RANBP2: variants seen among roughly 807,000 people sequenced by gnomAD.
RANBP2 encodes RAN binding protein 2.
A neutral mutation model predicts 303.6 loss-of-function variants in RANBP2; 57 were observed. That is an observed-to-expected ratio of 0.19 (90% CI 0.15 to 0.23). The LOEUF is 0.23. RANBP2 is among the 10% of genes least tolerant of loss of function. RANBP2 has a pLI of 1.00. For synonymous variants in RANBP2, 1,167 were observed against 1,301.5 expected (o/e 0.90, Z 2.23); for missense variants, 3,138 against 3,780.8 (o/e 0.83, Z 4.46).
chr2:109,437,530 C>A, the RANBP2 span, among the ~76,000 whole-genome samples: 1 of 152,154 alleles, frequency 6.6e-6, no homozygotes, highest in African/African-American at 2.4e-5. Context: ...CAAATGCCTC[C>A]CCCATGAATG....
At chr2:109,494,472 G>A in the RANBP2 span, among the ~76,000 whole-genome samples, 1 of 151,710 alleles carries the variant, frequency 6.6e-6, no homozygotes, top group Non-Finnish European at 1.5e-5. Flanking sequence ...GCATGACTGG[G>A]AAAATGCTGA....
At chr2:108,912,831 G>C in the RANBP2 span, 1 of 1,327,386 alleles carries the variant, frequency 7.5e-7, no homozygotes, top group Non-Finnish European at 1.1e-6. Flanking sequence ...CTGCCACAGA[G>C]CTCATGGATC....
At position 108,736,497 on chromosome 2, in the gene RANBP2, G is replaced by A. The variant is rs554770871; in HGVS notation, c.782+248G>A. Among the ~76,000 whole-genome samples, 34 of 152,150 alleles carry A rather than the reference G, an allele frequency of 2.2e-4. 1 individual carries two copies. Among genetic ancestry groups the A allele is most frequent in the African/African-American group, 7.5e-4 (31 of 41,502 alleles). On this transcript the variant is annotated intron_variant, in intron 6 of 28. Coordinates refer to ENST00000283195, the MANE Select transcript of RANBP2 (RefSeq NM_006267.5). ...CAAGCTTGATTAAAATTAGCCTTAT[G>A]GTTAAATACTCAGTTTTGTCATAGT... is the stretch of plus-strand genomic sequence containing the variant.
the RANBP2 span, among the ~76,000 whole-genome samples, chr2:109,739,438 A>T: frequency 6.6e-6 from 1 of 151,556 alleles, no homozygotes; most frequent in South Asian, 2.1e-4. Flanking sequence ...CATTGTAGAG[A>T]TCACTTCTTT....
At chr2:109,524,469 A>ACAAC in the RANBP2 span, among the ~76,000 whole-genome samples, 148 of 80,848 alleles carry the variant, frequency 1.8e-3, 2 homozygotes, top group Middle Eastern at 6.8e-3. Flanking sequence ...AAAAAAAACA[A>ACAAC]AACAACACTG....
At chr2:109,472,223 A>G in the RANBP2 span, among the ~76,000 whole-genome samples, 2 of 152,312 alleles carry the variant, frequency 1.3e-5, no homozygotes, top group Admixed American at 6.5e-5. Flanking sequence ...AAAAGCCCAA[A>G]TCAGGGCACT....
the RANBP2 span, among the ~76,000 whole-genome samples, chr2:109,547,221 A>C: frequency 1.3e-4 from 20 of 152,246 alleles, no homozygotes; most frequent in African/African-American, 4.3e-4. Context: ...AGAGACTCCA[A>C]GTCCTTTTCC....
chr2:109,527,769 G>T, the RANBP2 span, among the ~76,000 whole-genome samples: 1 of 152,204 alleles, frequency 6.6e-6, no homozygotes, highest in Non-Finnish European at 1.5e-5. Context: ...AATAGATGTG[G>T]CTGACAGGTC....
the RANBP2 span, among the ~76,000 whole-genome samples, chr2:109,252,364 G>C: frequency 2.0e-5 from 3 of 152,130 alleles, no homozygotes; most frequent in Non-Finnish European, 1.5e-5. Flanking sequence ...GGAATAGTTG[G>C]ATGCAAACTC....
chr2:108,871,373 A>G, the RANBP2 span, among the ~76,000 whole-genome samples: 1 of 104,424 alleles, frequency 9.6e-6, no homozygotes, highest in Non-Finnish European at 1.8e-5. Context: ...ACTCTATTAA[A>G]AAAAAAAAAA....
chr2:109,751,437 T>C, the RANBP2 span, among the ~76,000 whole-genome samples: 2 of 147,312 alleles, frequency 1.4e-5, no homozygotes, highest in African/African-American at 2.5e-5. Context: ...AGCATTGCCA[T>C]GTAAGGTTAT....
At chr2:108,896,753 G>A in the RANBP2 span, 1 of 700,310 alleles carries the variant, frequency 1.4e-6, no homozygotes, top group Non-Finnish European at 2.4e-6. Context: ...TGGAAGACAG[G>A]CCTTATTTCG....
intron 8 of RANBP2, among the ~76,000 whole-genome samples, chr2:108,747,118 C>G (rs541921238): frequency 9.2e-5 from 14 of 152,272 alleles, no homozygotes; most frequent in Non-Finnish European, 1.6e-4. Flanking sequence ...CATTTAACAC[C>G]AGCTGATTCT....
At chr2:109,074,334 C>T in the RANBP2 span, among the ~76,000 whole-genome samples, 3 of 150,450 alleles carry the variant, frequency 2.0e-5, no homozygotes, top group African/African-American at 7.3e-5. Flanking sequence ...TACCACTGCA[C>T]TCCAGCCTGG....
chr2:109,559,965 G>A, the RANBP2 span, among the ~76,000 whole-genome samples: 1 of 132,662 alleles, frequency 7.5e-6, no homozygotes, highest in Non-Finnish European at 1.5e-5. Context: ...CTGTCACCCA[G>A]GCTGGAGTGC....
chr2:109,243,378 C>T, the RANBP2 span, among the ~76,000 whole-genome samples: 143 of 152,362 alleles, frequency 9.4e-4, 1 homozygote, highest in African/African-American at 3.2e-3. Context: ...CAGATATTCC[C>T]GGGGCACATG....
chr2:109,669,484 T>C, the RANBP2 span, among the ~76,000 whole-genome samples: 4 of 151,900 alleles, frequency 2.6e-5, no homozygotes, highest in African/African-American at 9.7e-5. Flanking sequence ...CCAAAAAACC[T>C]CCAGAAAACC....
chr2:108,938,017 A>G, the RANBP2 span, among the ~76,000 whole-genome samples: 1 of 152,202 alleles, frequency 6.6e-6, no homozygotes. Flanking sequence ...AATATAATGC[A>G]TGAAACACTT....
chr2:108,954,146 T>C, the RANBP2 span, among the ~76,000 whole-genome samples: 8 of 152,142 alleles, frequency 5.3e-5, no homozygotes, highest in African/African-American at 1.9e-4. Context: ...ACCACCTTCT[T>C]ATAAAATCCT....
Sources: allele counts gnomAD v4.1 joint callset (sites outside exome capture counted in the v4.1 genomes callset), GRCh38; gene constraint gnomAD v4.1.1; transcripts MANE v1.5; gene names NCBI Gene and HGNC (gene_info 2026-07-23, HGNC 2026-07-21).